The following HSDL2 variants were observed in gnomAD, a reference collection of about 807,000 sequenced individuals.
HSDL2 encodes hydroxysteroid dehydrogenase like 2, also known as hydroxysteroid dehydrogenase-like protein 2.
Under a neutral mutation model 46.3 loss-of-function variants are expected in HSDL2, and 27 were observed. The observed-to-expected ratio is 0.58, with a 90% CI of 0.43 to 0.80. HSDL2 has a LOEUF of 0.80. Among genes scored for constraint, HSDL2 ranks in the 30% least tolerant of loss-of-function variants. HSDL2 has a pLI of 0.00. For missense variants in HSDL2, 451 were observed against 502.7 expected, an observed-to-expected ratio of 0.90 and a Z score of 0.98; for synonymous variants, 153 against 163.6, an observed-to-expected ratio of 0.94 and a Z score of 0.50.
chr9:112,443,573 A>T (rs942102561), intron 8 of HSDL2, among the ~76,000 whole-genome samples: 1 of 152,060 alleles, frequency 6.6e-6, no homozygotes, highest in Non-Finnish European at 1.5e-5. Flanking sequence ...ACAAAAAAAT[A>T]AAAAAAATTA....
intron 8 of HSDL2, among the ~76,000 whole-genome samples, chr9:112,450,583 C>T (rs1331681746): frequency 7.1e-6 from 1 of 141,702 alleles, no homozygotes; most frequent in East Asian, 2.1e-4. Flanking sequence ...GGGCTGAGAT[C>T]ATGCCACTGC....
At chr9:112,429,743 G>A (rs961034528) in intron 6 of HSDL2, among the ~76,000 whole-genome samples, 1 of 152,192 alleles carries the variant, frequency 6.6e-6, no homozygotes, top group Non-Finnish European at 1.5e-5. Flanking sequence ...AAGGAAGGGG[G>A]ATTGGAGTCT....
chr9:112,430,605 G>T (rs1250028609), intron 6 of HSDL2, among the ~76,000 whole-genome samples: 1 of 152,176 alleles, frequency 6.6e-6, no homozygotes, highest in African/African-American at 2.4e-5. Context: ...TGCAGGAACT[G>T]AGGCACAGAT....
At chr9:112,386,690 G>A (rs1037065734) in intron 1 of HSDL2, among the ~76,000 whole-genome samples, 20 of 152,214 alleles carry the variant, frequency 1.3e-4, no homozygotes, top group African/African-American at 4.3e-4. Flanking sequence ...AGGCTTAGTG[G>A]GAGGATTAGT....
At chr9:112,398,833 T>A (rs1831521022) in intron 1 of HSDL2, among the ~76,000 whole-genome samples, 1 of 152,168 alleles carries the variant, frequency 6.6e-6, no homozygotes, top group South Asian at 2.1e-4. Context: ...TCCACTGCCC[T>A]GAATAGGATG....
intron 1 of HSDL2, among the ~76,000 whole-genome samples, chr9:112,400,522 G>A (rs544624589): frequency 9.2e-5 from 14 of 152,308 alleles, no homozygotes; most frequent in South Asian, 2.1e-4. Context: ...CAGGAGAATC[G>A]CTTGAACCTG....
At position 112,386,834 on chromosome 9, in the gene HSDL2, A is replaced by G. The variant is rs564346710; in HGVS notation, c.17+6654A>G. On this transcript the variant is annotated intron_variant, in intron 1 of 10. Transcript: ENST00000398805. ...ACGAGCAAAAATCTGCAAGAAGTAT[A>G]TAGTACATGTCAATAAAAATGAGAA... is the stretch of plus-strand genomic sequence containing the variant. Among the ~76,000 whole-genome samples, 5 of 152,310 alleles carry G rather than the reference A, an allele frequency of 3.3e-5. No homozygotes were observed. The East Asian group carries it at 9.6e-4, about 29-fold the overall frequency.
chr9:112,470,554 TAA>T lies in HSDL2; in HGVS notation c.*18_*19del. The T allele has an allele frequency of 1.3e-6, 2 of 1,490,574 alleles. No homozygotes were observed. The highest frequency in any genetic ancestry group is 2.3e-5 in the East Asian group (1 of 43,026). The allele number at this position is 1,490,574 out of a possible 1,614,324, so 92.3% of individuals were successfully genotyped here. A position where few individuals can be genotyped will look rare whatever the true frequency, so the allele number is the denominator to read the frequency against. ...GAATGCCAGACTGTGAAGGAAAATA[TAA>T]AAAAAAAGTCGACTGCTATGCTCAA... On this transcript the variant is annotated 3_prime_UTR_variant, in exon 11 of 11. Coordinates refer to ENST00000398805, the MANE Select transcript of HSDL2 (RefSeq NM_032303.5).
chr9:112,469,734 T>C (rs562235727), intron 10 of HSDL2: 1 of 150,860 alleles, frequency 6.6e-6, no homozygotes, highest in East Asian at 1.9e-4. Context: ...TGGCTTTAAA[T>C]TGCAGCACTG....
At chr9:112,447,660 C>T (rs1238409651) in intron 8 of HSDL2, among the ~76,000 whole-genome samples, 1 of 152,094 alleles carries the variant, frequency 6.6e-6, no homozygotes, top group African/African-American at 2.4e-5. Context: ...AGTTTCACAT[C>T]TCAGCACTGT....
chr9:112,416,921 C>T lies in HSDL2; in HGVS notation c.476C>T (p.Pro159Leu). 1 of 1,593,482 alleles carries T rather than the reference C, an allele frequency of 6.3e-7. No individual in the cohort carries two copies. The highest frequency in any genetic ancestry group is 8.6e-7 in the Non-Finnish European group (1 of 1,161,728). The change falls in exon 5 of 11, where the codon CCA becomes CTA. Residue 159 changes from proline (P) to leucine (L), a missense_variant. Transcript: ENST00000398805. ...LNISPPLNLN[P>L]VWFKQHCAYT... ...ATCAGTCCACCACTGAACCTAAATCCAGTTTGGTTCAAACAGCACTGTGGT... is the reference window on the plus strand; with the variant it reads ...ATCAGTCCACCACTGAACCTAAATCTAGTTTGGTTCAAACAGCACTGTGGT...
chr9:112,386,369 A>G (rs998142661), intron 1 of HSDL2, among the ~76,000 whole-genome samples: 6 of 152,230 alleles, frequency 3.9e-5, no homozygotes, highest in Non-Finnish European at 8.8e-5. Context: ...TGAAATAAAT[A>G]ATGCTGTCGT....
intron 9 of HSDL2, among the ~76,000 whole-genome samples, chr9:112,456,516 C>T (rs1375526694): frequency 2.0e-5 from 3 of 152,120 alleles, no homozygotes; most frequent in African/African-American, 7.2e-5. Flanking sequence ...TGTCAGTCTC[C>T]CTTGCTGGCT....
chr9:112,381,735 C>T (rs540914341), intron 1 of HSDL2, among the ~76,000 whole-genome samples: 2 of 152,250 alleles, frequency 1.3e-5, no homozygotes, highest in South Asian at 2.1e-4. Context: ...CAGACGTGTT[C>T]GGATTTCAGA....
rs529710677 is a variant in HSDL2 at position 112,422,427 on chromosome 9, T to C, written c.598+3469T>C. Among the ~76,000 whole-genome samples, 36 of 152,256 alleles carry C rather than the reference T, an allele frequency of 2.4e-4. No individual in the cohort carries two copies. The South Asian group carries it at 7.1e-3, about 30-fold the overall frequency. On this transcript the variant is annotated intron_variant, in intron 6 of 10. Coordinates refer to ENST00000398805, the MANE Select transcript of HSDL2 (RefSeq NM_032303.5). ...TGACATAAGAGATTGAAATATAATA[T>C]GAAAAATGCTCTCTGGAACTAAAAA...
At chr9:112,423,755 G>A (rs1168705093) in intron 6 of HSDL2, among the ~76,000 whole-genome samples, 2 of 151,776 alleles carry the variant, frequency 1.3e-5, no homozygotes, top group African/African-American at 4.8e-5. Context: ...TCACTCTGTC[G>A]CCCAGGCTGG....
Position 112,438,643 on chromosome 9 carries a change from T to C in HSDL2, c.793+18T>C. 7.0e-7 allele frequency: 1 copy of C among 1,426,988 alleles called. No homozygotes were observed. The highest frequency in any genetic ancestry group is 9.6e-7 in the Non-Finnish European group (1 of 1,037,354). The allele number at this position is 1,426,988 out of a possible 1,614,324, so 88.4% of individuals were successfully genotyped here. On this transcript the variant is annotated intron_variant, in intron 7 of 10. Coordinates refer to ENST00000398805, the MANE Select transcript of HSDL2 (RefSeq NM_032303.5). ...TAAACCAGGTAATGCTTTTATAGTTTTTAAAAGTAGTGATACGTTTTTCCA... is the reference window on the plus strand; with the variant it reads ...TAAACCAGGTAATGCTTTTATAGTTCTTAAAAGTAGTGATACGTTTTTCCA...
chr9:112,380,310 T>A (rs1831054506), intron 1 of HSDL2, 130 bp downstream of exon 1: 1 of 829,378 alleles, frequency 1.2e-6, no homozygotes, highest in African/African-American at 1.8e-5. Flanking sequence ...GGGCACGCTC[T>A]GAGCTCTGGT....
intron 10 of HSDL2, among the ~76,000 whole-genome samples, chr9:112,468,221 T>C (rs563586806): frequency 6.6e-6 from 1 of 152,224 alleles, no homozygotes; most frequent in Admixed American, 6.5e-5. Flanking sequence ...TATTTCTCTG[T>C]GGTAGTCTGA....
Sources: allele counts gnomAD v4.1 joint callset (sites outside exome capture counted in the v4.1 genomes callset), GRCh38; gene constraint gnomAD v4.1.1; transcripts MANE v1.5; gene names NCBI Gene and HGNC (gene_info 2026-07-23, HGNC 2026-07-21).